CCDC7: variants seen among roughly 807,000 people sequenced by gnomAD.
CCDC7 encodes the protein coiled-coil domain-containing protein 7.
In CCDC7, 183 loss-of-function variants were observed where a neutral mutation model predicts 196.9. The ratio of observed to expected loss-of-function variants is 0.93; its 90% CI spans 0.82 to 1.05. CCDC7 has a LOEUF of 1.05. CCDC7 is among the 50% of genes least tolerant of loss of function. CCDC7 has a pLI of 0.00. For missense variants in CCDC7, 1,540 were observed against 1,482.2 expected, an observed-to-expected ratio of 1.04 and a Z score of -0.64; for synonymous variants, 525 against 484.6, an observed-to-expected ratio of 1.08 and a Z score of -1.10.
intron 21 of CCDC7, among the ~76,000 whole-genome samples, chr10:32,664,683 T>C (rs1202773341): frequency 2.0e-5 from 3 of 152,090 alleles, no homozygotes; most frequent in African/African-American, 7.2e-5. Flanking sequence ...ACTTCCTTTT[T>C]TTAAGGGTGA....
intron 9 of CCDC7, among the ~76,000 whole-genome samples, chr10:32,510,284 G>A (rs191400448): frequency 1.9e-4 from 29 of 152,252 alleles, no homozygotes; most frequent in African/African-American, 7.0e-4. Flanking sequence ...AAATAATTTA[G>A]GAGCTGAAAA....
At chr10:32,787,681 A>G (rs527281099) in intron 29 of CCDC7, among the ~76,000 whole-genome samples, 2 of 152,264 alleles carry the variant, frequency 1.3e-5, no homozygotes, top group East Asian at 1.9e-4. Context: ...CTGCAGACCC[A>G]GCCTCCAAGC....
intron 18 of CCDC7, among the ~76,000 whole-genome samples, chr10:32,584,657 G>A (rs935875465): frequency 4.7e-5 from 7 of 147,856 alleles, no homozygotes; most frequent in African/African-American, 1.8e-4. Flanking sequence ...GGAGGCGGAG[G>A]CAGGAGAATC....
chr10:32,802,076 A>C (rs1168449539), intron 29 of CCDC7, among the ~76,000 whole-genome samples: 1 of 151,996 alleles, frequency 6.6e-6, no homozygotes, highest in East Asian at 1.9e-4. Context: ...CTTGTGTCTG[A>C]TTTTCCACAA....
At chr10:32,564,453 A>G (rs575723881) in intron 13 of CCDC7, among the ~76,000 whole-genome samples, 7 of 152,346 alleles carry the variant, frequency 4.6e-5, no homozygotes, top group African/African-American at 7.2e-5. Flanking sequence ...CATATACACC[A>G]TGGAATACTA....
chr10:32,592,284 G>T (rs1252894003), intron 18 of CCDC7, among the ~76,000 whole-genome samples: 3 of 151,888 alleles, frequency 2.0e-5, no homozygotes, highest in Admixed American at 2.0e-4. Context: ...CCTTTTCAAA[G>T]AACCAATTCT....
chr10:32,828,463 AAG>A (rs1593206093), intron 32 of CCDC7, among the ~76,000 whole-genome samples: 1 of 76,890 alleles, frequency 1.3e-5, no homozygotes, highest in Non-Finnish European at 3.1e-5. Context: ...GAAGAAGAAG[AAG>A]AGGAAGAGGA....
At chr10:32,562,602 C>T (rs551934002) in intron 13 of CCDC7, among the ~76,000 whole-genome samples, 119 of 152,268 alleles carry the variant, frequency 7.8e-4, no homozygotes, top group African/African-American at 2.7e-3. Flanking sequence ...AATTCAACAA[C>T]GCTTCATGCT....
intron 18 of CCDC7, among the ~76,000 whole-genome samples, chr10:32,594,992 A>T (rs1186575658): frequency 6.6e-6 from 1 of 152,096 alleles, no homozygotes; most frequent in Non-Finnish European, 1.5e-5. Context: ...TTCATCAGGG[A>T]TATTGGTCTA....
chr10:32,867,865 T>G (rs2094262058), intron 41 of CCDC7, among the ~76,000 whole-genome samples: 1 of 151,784 alleles, frequency 6.6e-6, no homozygotes, highest in Admixed American at 6.6e-5. Context: ...ACCATCTACC[T>G]CCAGAACGTT....
intron 18 of CCDC7, among the ~76,000 whole-genome samples, chr10:32,631,828 T>G (rs2064908239): frequency 6.6e-6 from 1 of 152,150 alleles, no homozygotes; most frequent in Admixed American, 6.6e-5. Context: ...TTTCAATGAT[T>G]CTTTGTATTT....
intron 8 of CCDC7, among the ~76,000 whole-genome samples, chr10:32,483,275 C>G (rs900970198): frequency 1.1e-4 from 16 of 152,156 alleles, no homozygotes; most frequent in Admixed American, 1.3e-4. Flanking sequence ...TTTCATGTGT[C>G]TTTTGGCTGC....
At chr10:32,777,822 C>T (rs917372042) in intron 28 of CCDC7, among the ~76,000 whole-genome samples, 13 of 152,190 alleles carry the variant, frequency 8.5e-5, no homozygotes, top group African/African-American at 2.9e-4. Context: ...CAAGATCGTG[C>T]CACTGCACTC....
chr10:32,467,385 T>A (rs530264293), intron 5 of CCDC7, among the ~76,000 whole-genome samples: 2 of 152,254 alleles, frequency 1.3e-5, no homozygotes, highest in African/African-American at 2.4e-5. Flanking sequence ...GTGCTAGGAT[T>A]ACAGGCGTGA....
chr10:32,636,317 G>A (rs2065628944), intron 20 of CCDC7, among the ~76,000 whole-genome samples: 1 of 152,066 alleles, frequency 6.6e-6, no homozygotes, highest in Non-Finnish European at 1.5e-5. Context: ...CCATGTTTGT[G>A]TGCTGCACCC....
At chr10:32,625,188 A>G (rs1351273754) in intron 18 of CCDC7, among the ~76,000 whole-genome samples, 2 of 151,346 alleles carry the variant, frequency 1.3e-5, no homozygotes, top group Non-Finnish European at 3.0e-5. Context: ...ATTTTTGTGT[A>G]TGTGTCAAAT....
At chr10:32,545,724 G>A (rs995748063) in intron 13 of CCDC7, among the ~76,000 whole-genome samples, 2 of 151,942 alleles carry the variant, frequency 1.3e-5, no homozygotes, top group Admixed American at 6.6e-5. Flanking sequence ...TGGCCAACAC[G>A]GCAAAACCCT....
chr10:32,505,728 G>A (rs1435557026), intron 9 of CCDC7, among the ~76,000 whole-genome samples: 1 of 152,164 alleles, frequency 6.6e-6, no homozygotes, highest in African/African-American at 2.4e-5. Flanking sequence ...CCCAGATGGG[G>A]CGGCTGGGCA....
intron 29 of CCDC7, 83 bp from the exon 31 acceptor site, chr10:32,804,932 C>T (rs529942097): frequency 1.6e-3 from 45 of 27,796 alleles, no homozygotes; most frequent in Middle Eastern, 5.8e-3. Flanking sequence ...TAATTTAATA[C>T]ACACACACAC....
Sources: allele counts gnomAD v4.1 joint callset (sites outside exome capture counted in the v4.1 genomes callset), GRCh38; gene constraint gnomAD v4.1.1; transcripts MANE v1.5; gene names NCBI Gene and HGNC (gene_info 2026-07-23, HGNC 2026-07-21).